The following GTSE1 variants were observed in gnomAD, a reference collection of about 807,000 sequenced individuals.
GTSE1 encodes G2 and S-phase expressed 1.
GTSE1 carries 52 observed loss-of-function variants against 60.5 expected under a neutral mutation model. The observed-to-expected ratio is 0.86, with a 90% CI of 0.69 to 1.08. The LOEUF (loss-of-function observed/expected upper bound fraction) is 1.08. Ranked by LOEUF, GTSE1 falls within the 50% of genes least tolerant of loss-of-function variation. The pLI is 0.00. For synonymous variants in GTSE1, 368 were observed against 386.5 expected, an observed-to-expected ratio of 0.95 and a Z score of 0.56; for missense variants, 937 against 961.8, an observed-to-expected ratio of 0.97 and a Z score of 0.34.
chr22:46,296,972 G>GGCCCGGTGC (rs2077659932), intron 1 of GTSE1, 41 bp downstream of exon 1: 1 of 176,930 alleles, frequency 5.7e-6, no homozygotes, highest in Non-Finnish European at 1.2e-5. Context: ...TTGCCCGGTG[G>GGCCCGGTGC]GCCCGGTGCG....
intron 2 of GTSE1, among the ~76,000 whole-genome samples, chr22:46,303,240 C>T (rs138694241): frequency 6.6e-6 from 1 of 152,070 alleles, no homozygotes; most frequent in African/African-American, 2.4e-5. Flanking sequence ...TTATGATATG[C>T]CAAGTCTTCT....
At chr22:46,323,396 G>C (rs74768631) in intron 8 of GTSE1, 134 bp downstream of exon 8, 3 of 730,744 alleles carry the variant, frequency 4.1e-6, no homozygotes, top group African/African-American at 1.7e-5. Flanking sequence ...GGTGCAGGCC[G>C]AGCTCCTGAT....
rs567784225 is a variant in GTSE1 at position 46,327,732 on chromosome 22, C to T, written c.1725-956C>T. ...TATCCGTGTATTTATACACAAATTACACATTTTTATATATCTTATATGTTT... is the reference window on the plus strand; with the variant it reads ...TATCCGTGTATTTATACACAAATTATACATTTTTATATATCTTATATGTTT... On this transcript the variant is annotated intron_variant, in intron 9 of 11. Transcript: ENST00000454366. Among the ~76,000 whole-genome samples the T allele has an allele frequency of 1.5e-4, 23 of 152,318 alleles. No individual in the cohort carries two copies. The South Asian group carries it at 4.8e-3, about 32-fold the overall frequency.
At chr22:46,305,832 G>A (rs1274829875) in intron 2 of GTSE1, among the ~76,000 whole-genome samples, 6 of 151,498 alleles carry the variant, frequency 4.0e-5, no homozygotes, top group Non-Finnish European at 8.8e-5. Context: ...TCTTGAACCT[G>A]GGAGGCGGAG....
In GTSE1 at chr22:46,297,277, C is replaced by T; in HGVS notation, c.-21-103C>T. The T allele has an allele frequency of 1.3e-6, 1 of 746,708 alleles. No homozygotes were observed. The highest frequency in any genetic ancestry group is 2.3e-6 in the Non-Finnish European group (1 of 425,992). The allele number at this position is 746,708 out of a possible 1,614,324, so 46.3% of individuals were successfully genotyped here. On this transcript the variant is annotated intron_variant, in intron 1 of 11. Transcript: ENST00000454366. The surrounding 1 kb of genome is among the most constrained non-coding windows in gnomAD (Gnocchi z 4.9). ...CCGCGCCGCCTCTCCCAGACCTGGC[C>T]GCGGCCTTCAGCTCTCTCTGCCTCT... is the stretch of plus-strand genomic sequence containing the variant.
rs1385191945 is a variant in GTSE1 at position 46,314,273 on chromosome 22, G to C, written c.1051+260G>C. ...GGCCAGAAAGCATGTATGATACCCC[G>C]TGCCTGAGAACATGGACACTGGAAT... On this transcript the variant is annotated intron_variant, in intron 6 of 11. Coordinates refer to ENST00000454366, the MANE Select transcript of GTSE1 (RefSeq NM_016426.7). The surrounding 1 kb of genome is among the most constrained non-coding windows in gnomAD (Gnocchi z 7.1). Among the ~76,000 whole-genome samples, 2 of 152,164 alleles carry C rather than the reference G, an allele frequency of 1.3e-5. No homozygotes were observed. Among genetic ancestry groups the C allele is most frequent in the African/African-American group, 4.8e-5 (2 of 41,444 alleles).
chr22:46,328,736 G>A lies in GTSE1; in HGVS notation c.1773G>A (p.Val591=). ...ESNRKTDSRL[V]DVSPDRGSPP... ...ACAGAAAGACAGATTCCAGGCTGGT[G>A]GATGTGTCCCCTGACAGGGGTTCTC... The change falls in exon 10 of 12, where the codon GTG becomes GTA. Residue 591 remains valine (V), a synonymous_variant. Coordinates refer to ENST00000454366, the MANE Select transcript of GTSE1 (RefSeq NM_016426.7). 3 of 1,614,034 alleles carry A rather than the reference G, an allele frequency of 1.9e-6. No individual in the cohort carries two copies. The highest frequency in any genetic ancestry group is 2.5e-6 in the Non-Finnish European group (3 of 1,179,842).
At chr22:46,306,518 T>C (rs1260907978) in intron 2 of GTSE1, among the ~76,000 whole-genome samples, 2 of 151,744 alleles carry the variant, frequency 1.3e-5, no homozygotes, top group Admixed American at 1.3e-4. Context: ...TCTTGCTGTG[T>C]CACCCAGGCT....
rs1018483799 is a variant in GTSE1, at chr22:46,320,791, C to T, written c.1433-2399C>T. Among the ~76,000 whole-genome samples the T allele has an allele frequency of 4.6e-5, 7 of 152,118 alleles. 1 individual carries two copies. In the East Asian group the frequency reaches 5.8e-4, roughly 13 times the overall value. On this transcript the variant is annotated intron_variant, in intron 7 of 11. Transcript: ENST00000454366. The surrounding 1 kb of genome is among the most constrained non-coding windows in gnomAD (Gnocchi z 7.1). ...GGTACTGGGAGCTGCAGTGGAGACG[C>T]GCCGTCCAGGTTTAGGGAAGAGCTG...
Position 46,308,393 on chromosome 22 carries a change from T to A in GTSE1, c.212T>A (p.Leu71Ter). ...AGATGTATTGCTGCCAGCTTGGAAT[T>A]AAATAATCCGGTTCCCGAACAGCCT... ...KERCIAASLELNNPVPEQPPL... is the reference protein window; with the variant it reads ...KERCIAASLE The change falls in exon 4 of 12, where the codon TTA (leucine) becomes TAA (stop). Residue 71 changes from leucine (L) to a stop codon, truncating the protein, a stop_gained. Transcript: ENST00000454366. LOFTEE classifies it high-confidence loss of function. 6.2e-7 allele frequency: 1 copy of A among 1,614,202 alleles called. No homozygotes were observed. The highest frequency in any genetic ancestry group is 8.5e-7 in the Non-Finnish European group (1 of 1,180,018).
At position 46,313,841 on chromosome 22, in the gene GTSE1, G is replaced by A. The variant is rs1273770375; in HGVS notation, c.928-49G>A. The A allele has an allele frequency of 6.2e-7, 1 of 1,609,712 alleles. No homozygotes were observed. Among genetic ancestry groups the A allele is most frequent in the Non-Finnish European group, 8.5e-7 (1 of 1,176,748 alleles). On this transcript the variant is annotated intron_variant, in intron 5 of 11. Coordinates refer to ENST00000454366, the MANE Select transcript of GTSE1 (RefSeq NM_016426.7). The surrounding 1 kb of genome is among the most constrained non-coding windows in gnomAD (Gnocchi z 4.4). Reference sequence around the variant, plus strand: ...TTACTTTTGCAGACACAAGTAATAGGTAAATAACGAGATCTTTGCTGATTC... The same window carrying A: ...TTACTTTTGCAGACACAAGTAATAGATAAATAACGAGATCTTTGCTGATTC...
At position 46,328,879 on chromosome 22, in the gene GTSE1, C is replaced by A. The variant is rs770787809; in HGVS notation, c.1916C>A (p.Ala639Asp). 6.2e-7 allele frequency: 1 copy of A among 1,612,806 alleles called. No homozygotes were observed. The highest frequency in any genetic ancestry group is 8.5e-7 in the Non-Finnish European group (1 of 1,179,208). The change falls in exon 10 of 12, where the codon GCC (alanine) becomes GAC (aspartate). Residue 639 changes from alanine to aspartate, a missense_variant. Physicochemically the swap from Ala to Asp is moderately radical, Grantham distance 126. Coordinates refer to ENST00000454366, the MANE Select transcript of GTSE1 (RefSeq NM_016426.7). ...GAAGCCAAGCCGGGTGGAGATGCAG[C>A]CCCTAGTGAGGTGGGCAGAACGGGC... The part of the protein sequence containing the change: ...REEAKPGGDA[A>D]PSEALLVDIK...
At chr22:46,302,573 G>T (rs1195532747) in intron 2 of GTSE1, among the ~76,000 whole-genome samples, 1 of 152,012 alleles carries the variant, frequency 6.6e-6, no homozygotes, top group African/African-American at 2.4e-5. Flanking sequence ...TGTTGTCTAG[G>T]CTGGTCTCAA....
In GTSE1 at chr22:46,330,254, G is replaced by A; in HGVS notation, c.*124G>A. The A allele has an allele frequency of 1.5e-6, 1 of 659,124 alleles. No homozygotes were observed. The highest frequency in any genetic ancestry group is 1.7e-5 in the South Asian group (1 of 58,766). The allele number at this position is 659,124 out of a possible 1,614,324, so 40.8% of individuals were successfully genotyped here. A position where few individuals can be genotyped will look rare whatever the true frequency, so the allele number is the denominator to read the frequency against. ...CCTAGAACTTGGGAGGCTGAGGTGG[G>A]CGGATTACTTGAGCCCAGGAGTTCG... On this transcript the variant is annotated 3_prime_UTR_variant, in exon 12 of 12. Transcript: ENST00000454366. This position sits in a 1 kb window ranked among gnomAD's most constrained non-coding sequence, Gnocchi z 6.0.
In GTSE1 at chr22:46,313,658, G is replaced by T. The variant is rs369467942; in HGVS notation, c.928-232G>T. ...CGAGTAGCTGGGACTACAGGTGCCT[G>T]CCACCATGCCCAGCTAGTTTTTATA... is the stretch of plus-strand genomic sequence containing the variant. On this transcript the variant is annotated intron_variant, in intron 5 of 11. Transcript: ENST00000454366. The surrounding 1 kb of genome is among the most constrained non-coding windows in gnomAD (Gnocchi z 4.4). 6.6e-6 allele frequency among the ~76,000 whole-genome samples: 1 copy of T among 152,226 alleles called. No homozygotes were observed. Among genetic ancestry groups the T allele is most frequent in the African/African-American group, 2.4e-5 (1 of 41,532 alleles).
Position 46,318,011 on chromosome 22 carries a change from C to T in GTSE1, c.1432+1599C>T, listed in dbSNP as rs2077790920. Among the ~76,000 whole-genome samples, 2 of 152,222 alleles carry T rather than the reference C, an allele frequency of 1.3e-5. No homozygotes were observed. The highest frequency in any genetic ancestry group is 2.1e-4 in the South Asian group (1 of 4,830). On this transcript the variant is annotated intron_variant, in intron 7 of 11. Coordinates refer to ENST00000454366, the MANE Select transcript of GTSE1 (RefSeq NM_016426.7). This position sits in a 1 kb window ranked among gnomAD's most constrained non-coding sequence, Gnocchi z 4.8. ...GAGATTCCCTTGGGTTCCTAGAGCTCGTTCTGTCGGAGTAGCCCCCTCCTC... is the reference window on the plus strand; with the variant it reads ...GAGATTCCCTTGGGTTCCTAGAGCTTGTTCTGTCGGAGTAGCCCCCTCCTC...
In GTSE1 at chr22:46,309,193, C is replaced by A. The variant is rs2077734825; in HGVS notation, c.762+250C>A. Among the ~76,000 whole-genome samples the A allele has an allele frequency of 4.6e-5, 7 of 152,224 alleles. No homozygotes were observed. The highest frequency in any genetic ancestry group is 3.3e-4 in the Admixed American group (5 of 15,282). Reference sequence around the variant, plus strand: ...TTGTTCCTTTTGTTTTGTTACAATGCTGGATATACCACACAGTAGGGATTT... The same window carrying A: ...TTGTTCCTTTTGTTTTGTTACAATGATGGATATACCACACAGTAGGGATTT... On this transcript the variant is annotated intron_variant, in intron 4 of 11. Transcript: ENST00000454366. The surrounding 1 kb of genome is among the most constrained non-coding windows in gnomAD (Gnocchi z 6.2).
rs995968410 is a variant in GTSE1, at chr22:46,318,707, G to A, written c.1432+2295G>A. On this transcript the variant is annotated intron_variant, in intron 7 of 11. Coordinates refer to ENST00000454366, the MANE Select transcript of GTSE1 (RefSeq NM_016426.7). The surrounding 1 kb of genome is among the most constrained non-coding windows in gnomAD (Gnocchi z 4.8). ...ACGGCAGGAGTGCAGAGGTCCTGGG[G>A]CAGGAAGGCGTGGGACGTGCTCTGG... Among the ~76,000 whole-genome samples, 4 of 152,194 alleles carry A rather than the reference G, an allele frequency of 2.6e-5. No homozygotes were observed. Among genetic ancestry groups the A allele is most frequent in the African/African-American group, 9.6e-5 (4 of 41,458 alleles).
chr22:46,320,599 C>T lies in GTSE1; in HGVS notation c.1433-2591C>T, dbSNP rs1329371492. 1.3e-5 allele frequency among the ~76,000 whole-genome samples: 2 copies of T among 152,210 alleles called. No homozygotes were observed. ...ACAGCGTGGGACCACATGAACGGTG[C>T]CCTGTAGTGGAGGCTTTCATATGTG... On this transcript the variant is annotated intron_variant, in intron 7 of 11. Transcript: ENST00000454366. This position sits in a 1 kb window ranked among gnomAD's most constrained non-coding sequence, Gnocchi z 7.1.
Sources: gnomAD v4.1 joint callset for allele counts (sites outside exome capture counted in the v4.1 genomes callset) on GRCh38, gnomAD v4.1.1 for gene constraint, Gnocchi (gnomAD v3.1) non-coding constraint, MANE v1.5 for transcripts, NCBI Gene and HGNC (gene_info 2026-07-23, HGNC 2026-07-21) for gene names.